Variants in CCDC30 observed in about 807,000 individuals in gnomAD.
CCDC30 encodes coiled-coil domain containing 30.
In CCDC30, 70 loss-of-function variants were observed where a neutral mutation model predicts 100.2. The observed-to-expected ratio is 0.70, with a 90% CI of 0.58 to 0.85. The LOEUF is 0.85. Ranked by LOEUF, CCDC30 falls within the 40% of genes least tolerant of loss-of-function variation. The probability of loss-of-function intolerance (pLI) is 0.00; values close to 1 mark genes in which losing one functional copy is unlikely to be tolerated. For synonymous variants in CCDC30, 233 were observed against 269.5 expected, an observed-to-expected ratio of 0.86 and a Z score of 1.33; for missense variants, 652 against 771.2, an observed-to-expected ratio of 0.85 and a Z score of 1.83.
At chr1:42,497,402 T>G (rs1413671723) in intron 5 of CCDC30, among the ~76,000 whole-genome samples, 189 bp downstream of exon 5, 1 of 152,186 alleles carries the variant, frequency 6.6e-6, no homozygotes, top group Non-Finnish European at 1.5e-5. Context: ...TTTATACATT[T>G]TAACTACCTA....
At chr1:42,606,344 C>A (rs1198270226) in intron 10 of CCDC30, among the ~76,000 whole-genome samples, 1 of 152,196 alleles carries the variant, frequency 6.6e-6, no homozygotes, top group East Asian at 1.9e-4. Flanking sequence ...GTGGTGCGCT[C>A]TCAGCTCACT....
At chr1:42,514,853 A>C (rs1309051769) in intron 6 of CCDC30, among the ~76,000 whole-genome samples, 1 of 152,120 alleles carries the variant, frequency 6.6e-6, no homozygotes, top group African/African-American at 2.4e-5. Flanking sequence ...GGGTTTCACC[A>C]TGTTGGCCAG....
intron 11 of CCDC30, among the ~76,000 whole-genome samples, chr1:42,612,559 G>A (rs1380199776): frequency 1.3e-5 from 2 of 152,098 alleles, no homozygotes; most frequent in Non-Finnish European, 2.9e-5. Context: ...ATATTCTGTT[G>A]TTCACATAAG....
At chr1:42,550,914 G>A (rs1454226570) in intron 6 of CCDC30, among the ~76,000 whole-genome samples, 1 of 152,130 alleles carries the variant, frequency 6.6e-6, no homozygotes, top group East Asian at 1.9e-4. Flanking sequence ...TTCATCGTTA[G>A]CCACCCCTAT....
intron 6 of CCDC30, among the ~76,000 whole-genome samples, chr1:42,553,734 T>C (rs1473447677): frequency 6.6e-6 from 1 of 151,916 alleles, no homozygotes; most frequent in African/African-American, 2.4e-5. Context: ...TGTGTCTAGC[T>C]TCCACTGGAT....
chr1:42,612,907 A>G (rs74068478), intron 11 of CCDC30, among the ~76,000 whole-genome samples: 2,880 of 152,202 alleles, frequency 0.019, 90 homozygotes, highest in African/African-American at 0.066. Context: ...TTTATTCAAA[A>G]CAGTGCTGAA....
intron 9 of CCDC30, among the ~76,000 whole-genome samples, chr1:42,585,974 A>C (rs1646060771): frequency 6.6e-6 from 1 of 152,246 alleles, no homozygotes; most frequent in African/African-American, 2.4e-5. Flanking sequence ...TGTAATAAAT[A>C]TCTCTATACA....
intron 11 of CCDC30, among the ~76,000 whole-genome samples, chr1:42,623,223 A>G (rs1646873434): frequency 6.6e-6 from 1 of 151,774 alleles, no homozygotes; most frequent in Non-Finnish European, 1.5e-5. Context: ...TGTGCAGAAG[A>G]TTTTTTTTAA....
At chr1:42,532,878 G>T (rs1644828258) in intron 6 of CCDC30, among the ~76,000 whole-genome samples, 1 of 152,194 alleles carries the variant, frequency 6.6e-6, no homozygotes, top group African/African-American at 2.4e-5. Context: ...CCATTCTCCT[G>T]CCTCAGCCTC....
chr1:42,529,236 A>C (rs1273394695), intron 6 of CCDC30, among the ~76,000 whole-genome samples: 1 of 152,160 alleles, frequency 6.6e-6, no homozygotes, highest in African/African-American at 2.4e-5. Context: ...TACTTTGGAA[A>C]GCCAAGGTGG....
At chr1:42,548,463 C>G (rs2148539705) in intron 6 of CCDC30, among the ~76,000 whole-genome samples, 1 of 152,146 alleles carries the variant, frequency 6.6e-6, no homozygotes. Flanking sequence ...GAACTCTAAA[C>G]TCTATATTGG....
chr1:42,471,736 A>T (rs1643776713), intron 1 of CCDC30, among the ~76,000 whole-genome samples: 1 of 152,134 alleles, frequency 6.6e-6, no homozygotes, highest in Admixed American at 6.5e-5. Context: ...GGACCTACAG[A>T]GGTGCAGGAT....
At chr1:42,613,314 G>C (rs182028631) in intron 11 of CCDC30, among the ~76,000 whole-genome samples, 1 of 152,114 alleles carries the variant, frequency 6.6e-6, no homozygotes, top group Non-Finnish European at 1.5e-5. Flanking sequence ...GAGTGCAGTG[G>C]CACGATCTCG....
At chr1:42,469,833 A>T (rs1643709123) in intron 1 of CCDC30, among the ~76,000 whole-genome samples, 1 of 152,126 alleles carries the variant, frequency 6.6e-6, no homozygotes, top group Admixed American at 6.5e-5. Flanking sequence ...GAGGGGAGAG[A>T]TGAGATATTC....
intron 6 of CCDC30, among the ~76,000 whole-genome samples, chr1:42,511,706 G>A (rs1644480129): frequency 6.6e-6 from 1 of 152,062 alleles, no homozygotes; most frequent in Non-Finnish European, 1.5e-5. Context: ...CAAAAAGGGA[G>A]GAGAATTGGG....
chr1:42,655,867 CTTTT>C (rs766715541), downstream of CCDC30, among the ~76,000 whole-genome samples: 4 of 87,312 alleles, frequency 4.6e-5, no homozygotes, highest in Non-Finnish European at 6.5e-5. Context: ...GCTGTTTTTA[CTTTT>C]TTTTTTTTTT....
chr1:42,610,874 T>A, intron 10 of CCDC30, 104 bp from the exon 15 acceptor site: 1 of 578,256 alleles, frequency 1.7e-6, no homozygotes, highest in Non-Finnish European at 3.0e-6. Flanking sequence ...GAAGCAGGAG[T>A]GACTATAAGC....
chr1:42,472,312 A>T (rs374616028), intron 1 of CCDC30, among the ~76,000 whole-genome samples: 5 of 152,292 alleles, frequency 3.3e-5, no homozygotes, highest in Admixed American at 2.0e-4. Context: ...CGATCAGCAG[A>T]TATTTATCTT....
chr1:42,487,396 G>A (rs1378562597), intron 3 of CCDC30, among the ~76,000 whole-genome samples: 5 of 152,132 alleles, frequency 3.3e-5, no homozygotes, highest in African/African-American at 1.2e-4. Context: ...GCCTCCAAGA[G>A]CCCCACCCCC....
Sources: gnomAD v4.1 joint callset for allele counts (sites outside exome capture counted in the v4.1 genomes callset) on GRCh38, gnomAD v4.1.1 for gene constraint, MANE v1.5 for transcripts, NCBI Gene and HGNC (gene_info 2026-07-23, HGNC 2026-07-21) for gene names.